Variants in HOOK3 observed in about 807,000 individuals in gnomAD.
HOOK3 encodes the protein protein Hook homolog 3.
In HOOK3, 24 loss-of-function variants were observed where a neutral mutation model predicts 116.3. The observed-to-expected ratio is 0.21, with a 90% CI of 0.15 to 0.29. The LOEUF (loss-of-function observed/expected upper bound fraction) is 0.29. Ranked by LOEUF, HOOK3 falls within the 10% of genes least tolerant of loss-of-function variation. The pLI, the probability that HOOK3 is intolerant of heterozygous loss-of-function variation, is 1.00. For missense variants in HOOK3, 632 were observed against 830.2 expected, an observed-to-expected ratio of 0.76 and a Z score of 2.93; for synonymous variants, 275 against 283.0, an observed-to-expected ratio of 0.97 and a Z score of 0.28.
intron 14 of HOOK3, among the ~76,000 whole-genome samples, chr8:42,984,192 A>G (rs556402382): frequency 1.3e-5 from 2 of 152,074 alleles, no homozygotes; most frequent in South Asian, 4.2e-4. Flanking sequence ...ACATGGCGAA[A>G]CCCTGTCTCT....
At chr8:42,969,226 A>T (rs542520486) in intron 11 of HOOK3, among the ~76,000 whole-genome samples, 1 of 152,320 alleles carries the variant, frequency 6.6e-6, no homozygotes, top group Admixed American at 6.5e-5. Flanking sequence ...GAGTATCTTC[A>T]ATGTAGTTAG....
rs527410785 is a variant in HOOK3, at chr8:43,022,103, A to C, written c.*3605A>C. The C allele has an allele frequency of 4.1e-3, 831 of 201,702 alleles. 2 individuals are homozygous for C. Among genetic ancestry groups the C allele is most frequent in the Non-Finnish European group, 6.2e-3 (603 of 97,980 alleles). The allele number at this position is 201,702 out of a possible 1,614,324, so 12.5% of individuals were successfully genotyped here. On this transcript the variant is annotated 3_prime_UTR_variant, in exon 22 of 22. Transcript: ENST00000307602. ...GCTGTTGTAAAAAAAAAAAAAAAAA[A>C]AACTTCTGAATATACTTTAGGTATC...
Position 42,916,343 on chromosome 8 carries a change from G to T in HOOK3, c.144-9214G>T, listed in dbSNP as rs963771621. Among the ~76,000 whole-genome samples the T allele has an allele frequency of 4.6e-5, 7 of 152,140 alleles. No individual in the cohort carries two copies. The South Asian group carries it at 8.3e-4, about 18-fold the overall frequency. On this transcript the variant is annotated intron_variant, in intron 2 of 21. Coordinates refer to ENST00000307602, the MANE Select transcript of HOOK3 (RefSeq NM_032410.4). ...TTTTCAAGAAGGGTTTACCACTGTTGTTTTCCGTCAACATTTTCTCTGACA... is the reference window on the plus strand; with the variant it reads ...TTTTCAAGAAGGGTTTACCACTGTTTTTTTCCGTCAACATTTTCTCTGACA...
chr8:43,016,445 C>T (rs1217226707), intron 21 of HOOK3, among the ~76,000 whole-genome samples: 1 of 152,102 alleles, frequency 6.6e-6, no homozygotes, highest in Non-Finnish European at 1.5e-5. Flanking sequence ...TTTAACTCTT[C>T]AGAGAGTGAA....
intron 11 of HOOK3, among the ~76,000 whole-genome samples, chr8:42,972,546 T>C (rs998294627): frequency 1.3e-5 from 2 of 152,114 alleles, no homozygotes; most frequent in Admixed American, 6.6e-5. Context: ...TGAGGAACTA[T>C]GACATGTGCC....
intron 15 of HOOK3, among the ~76,000 whole-genome samples, chr8:42,988,421 T>G (rs770572129): frequency 2.0e-5 from 3 of 152,230 alleles, no homozygotes; most frequent in Non-Finnish European, 2.9e-5. Flanking sequence ...CTGCTTTGTG[T>G]TGTTTCTCAC....
intron 2 of HOOK3, among the ~76,000 whole-genome samples, chr8:42,919,807 C>T (rs984206490): frequency 1.1e-4 from 16 of 152,266 alleles, no homozygotes; most frequent in South Asian, 2.1e-4. Flanking sequence ...TCAGGCGTGG[C>T]GGTGCGCGCC....
At chr8:42,994,069 T>C (rs1319670357) in intron 15 of HOOK3, among the ~76,000 whole-genome samples, 1 of 152,136 alleles carries the variant, frequency 6.6e-6, no homozygotes, top group African/African-American at 2.4e-5. Context: ...CAGGCTGGAG[T>C]GTAGTGGCGC....
Position 43,027,489 on chromosome 8 carries a change from G to C in HOOK3, c.*8991G>C. On this transcript the variant is annotated 3_prime_UTR_variant, in exon 22 of 22. Coordinates refer to ENST00000307602, the MANE Select transcript of HOOK3 (RefSeq NM_032410.4). ...CTTCTACCTTACCCCCTGTTCTACT[G>C]ACGTGCTTTGCATGAGAAGCTCATC... The C allele has an allele frequency of 2.2e-6, 1 of 446,356 alleles. No homozygotes were observed. Among genetic ancestry groups the C allele is most frequent in the Non-Finnish European group, 4.3e-6 (1 of 230,534 alleles). 27.6% of individuals were successfully genotyped at this position (446,356 alleles called of 1,614,324 possible). A position where few individuals can be genotyped will look rare whatever the true frequency, so the allele number is the denominator to read the frequency against.
chr8:42,964,360 T>A lies in HOOK3; in HGVS notation c.665T>A (p.Val222Glu), dbSNP rs764384761. ...EKSSLLAENQ[V>E]LMERLNQSDS... is the part of the protein sequence containing the mutation. Reference sequence around the variant, plus strand: ...AGTAGTTTGTTGGCAGAGAATCAGGTATTAATGGAAAGACTCAATCAATCT... The same window carrying A: ...AGTAGTTTGTTGGCAGAGAATCAGGAATTAATGGAAAGACTCAATCAATCT... Residue 222 changes from valine (V) to glutamate (E), a missense_variant, in exon 9 of 22, where the codon GTA becomes GAA. Transcript: ENST00000307602. 9.3e-6 allele frequency: 15 copies of A among 1,613,960 alleles called. No homozygotes were observed. In the South Asian group the frequency reaches 1.6e-4, roughly 18 times the overall value.
At chr8:43,000,360 T>G in intron 16 of HOOK3, 1 of 828,050 alleles carries the variant, frequency 1.2e-6, no homozygotes, top group Non-Finnish European at 1.7e-6. Flanking sequence ...GTGGAAAATT[T>G]TATTAAGGTA....
chr8:42,909,069 T>A (rs1452555818), intron 2 of HOOK3, among the ~76,000 whole-genome samples: 1 of 152,212 alleles, frequency 6.6e-6, no homozygotes, highest in Non-Finnish European at 1.5e-5. Context: ...TGCTCATCAC[T>A]GATCACCAGG....
At chr8:42,930,562 A>G (rs920738593) in intron 4 of HOOK3, among the ~76,000 whole-genome samples, 8 of 152,204 alleles carry the variant, frequency 5.3e-5, no homozygotes, top group African/African-American at 1.9e-4. Context: ...GCATCAGAAC[A>G]GTCAGACATT....
intron 21 of HOOK3, among the ~76,000 whole-genome samples, chr8:43,016,563 A>G (rs1296653008): frequency 6.6e-6 from 1 of 152,242 alleles, no homozygotes; most frequent in Admixed American, 6.5e-5. Context: ...AATGGAAATG[A>G]TGAGTGCTGG....
intron 8 of HOOK3, among the ~76,000 whole-genome samples, chr8:42,963,565 G>A (rs1365390231): frequency 3.9e-5 from 6 of 152,188 alleles, no homozygotes; most frequent in Non-Finnish European, 8.8e-5. Flanking sequence ...TGTGGTAGTT[G>A]CATGTTTAAT....
chr8:42,963,532 G>C (rs750536666), intron 8 of HOOK3, among the ~76,000 whole-genome samples: 1 of 152,188 alleles, frequency 6.6e-6, no homozygotes, highest in African/African-American at 2.4e-5. Context: ...AAATACCTAG[G>C]AGTAGGATGG....
intron 16 of HOOK3, among the ~76,000 whole-genome samples, chr8:42,998,879 A>G (rs1175591651): frequency 6.6e-6 from 1 of 152,230 alleles, no homozygotes; most frequent in Non-Finnish European, 1.5e-5. Context: ...CAAAACTACC[A>G]TTAGTGTATT....
chr8:42,943,616 A>G (rs1193240855), intron 5 of HOOK3, among the ~76,000 whole-genome samples, 171 bp downstream of exon 5: 1 of 152,188 alleles, frequency 6.6e-6, no homozygotes, highest in Non-Finnish European at 1.5e-5. Flanking sequence ...GCTTAAATGA[A>G]TTTTGCACAT....
At chr8:42,905,847 A>C (rs1185531078) in intron 1 of HOOK3, among the ~76,000 whole-genome samples, 2 of 151,606 alleles carry the variant, frequency 1.3e-5, no homozygotes, top group African/African-American at 4.8e-5. Context: ...GCACTTCAGG[A>C]GGCCGAGGCG....
Sources: allele counts gnomAD v4.1 joint callset (sites outside exome capture counted in the v4.1 genomes callset), GRCh38; gene constraint gnomAD v4.1.1; transcripts MANE v1.5; gene names NCBI Gene and HGNC (gene_info 2026-07-23, HGNC 2026-07-21).